Variants in DCDC2C observed in about 807,000 individuals in gnomAD.
The protein encoded by DCDC2C is doublecortin domain-containing protein 2C.
A neutral mutation model predicts 45.0 loss-of-function variants in DCDC2C; 44 were observed. The ratio of observed to expected loss-of-function variants is 0.98; its 90% CI spans 0.77 to 1.26. The LOEUF is 1.26. DCDC2C is among the 50% of genes most tolerant of loss of function. The pLI is 0.00. For synonymous variants in DCDC2C, 187 were observed against 178.8 expected, an observed-to-expected ratio of 1.05 and a Z score of -0.37; for missense variants, 447 against 468.9, an observed-to-expected ratio of 0.95 and a Z score of 0.43.
At chr2:3,781,766 A>C (rs773763804) in intron 9 of DCDC2C, among the ~76,000 whole-genome samples, 2 of 152,088 alleles carry the variant, frequency 1.3e-5, no homozygotes, top group African/African-American at 2.4e-5. Flanking sequence ...GCTCCCTGGG[A>C]GGCTGAGGTG....
intron 10 of DCDC2C, among the ~76,000 whole-genome samples, chr2:3,819,449 C>T (rs58709208): frequency 0.053 from 8,145 of 152,290 alleles, 748 homozygotes; most frequent in African/African-American, 0.19. Context: ...GGAGATGTGG[C>T]TGGGGTTTCT....
intron 2 of DCDC2C, among the ~76,000 whole-genome samples, chr2:3,722,906 G>A (rs947704881): frequency 9.2e-5 from 14 of 152,130 alleles, no homozygotes; most frequent in Non-Finnish European, 1.3e-4. Flanking sequence ...AATTTCCGTT[G>A]TTTTGTTTTC....
intron 6 of DCDC2C, among the ~76,000 whole-genome samples, chr2:3,765,159 G>T (rs1306634203): frequency 6.6e-6 from 1 of 152,136 alleles, no homozygotes; most frequent in Non-Finnish European, 1.5e-5. Flanking sequence ...TCAATGCCCT[G>T]CATTTTCTTG....
intron 2 of DCDC2C, among the ~76,000 whole-genome samples, chr2:3,711,226 G>A (rs549536274): frequency 2.2e-4 from 34 of 152,324 alleles, no homozygotes; most frequent in Admixed American, 1.2e-3. Flanking sequence ...GTGGAAGACA[G>A]CATGGTGACT....
intron 1 of DCDC2C, among the ~76,000 whole-genome samples, chr2:3,704,970 T>A (rs147907327): frequency 7.5e-4 from 114 of 152,270 alleles, no homozygotes; most frequent in African/African-American, 2.6e-3. Flanking sequence ...TCCTTGTAGG[T>A]TTACTTATTT....
At position 3,734,463 on chromosome 2, in the gene DCDC2C, G is replaced by A. The variant is rs1187158101; in HGVS notation, c.416+7384G>A. Among the ~76,000 whole-genome samples the A allele has an allele frequency of 2.0e-5, 3 of 152,190 alleles. No individual in the cohort carries two copies. Among genetic ancestry groups the A allele is most frequent in the East Asian group, 1.9e-4 (1 of 5,194 alleles). ...TCACTAACATCCACTAACTAACCAC[G>A]GGTAAAGGAAGCAAGTGGAGGGGTT... is the stretch of plus-strand genomic sequence containing the variant. On this transcript the variant is annotated intron_variant, in intron 3 of 10. Transcript: ENST00000399143. This position sits in a 1 kb window ranked among gnomAD's most constrained non-coding sequence, Gnocchi z 4.2.
chr2:3,837,907 G>A (rs987970930), intron 10 of DCDC2C, among the ~76,000 whole-genome samples: 1 of 152,140 alleles, frequency 6.6e-6, no homozygotes, highest in Non-Finnish European at 1.5e-5. Flanking sequence ...GGGAGGTGAG[G>A]AAGTGTGGGG....
Position 3,703,798 on chromosome 2 carries a change from AGACCATC to A in DCDC2C, c.49_55del (p.Thr17TrpfsTer82). The stretch of plus-strand genomic sequence containing the variant: ...GCGCCGGTGGACACCACGCCCGCCA[AGACCATC>A]GTGGTGTACCGCAACGGGGACCCGT... On this transcript the variant is annotated frameshift_variant, in exon 1 of 11. Transcript: ENST00000399143. LOFTEE classifies it high-confidence loss of function. The surrounding 1 kb of genome is among the most constrained non-coding windows in gnomAD (Gnocchi z 4.4). 1 of 1,245,840 alleles carries A rather than the reference AGACCATC, an allele frequency of 8.0e-7. No individual in the cohort carries two copies. Among genetic ancestry groups the A allele is most frequent in the Non-Finnish European group, 1.0e-6 (1 of 992,198 alleles). 77.2% of individuals were successfully genotyped at this position (1,245,840 alleles called of 1,614,324 possible).
intron 10 of DCDC2C, among the ~76,000 whole-genome samples, chr2:3,821,526 TG>T (rs763771373): frequency 5.3e-5 from 8 of 152,248 alleles, no homozygotes; most frequent in Non-Finnish European, 1.0e-4. Flanking sequence ...TTTTTATAGA[TG>T]CCATTTATTA....
intron 10 of DCDC2C, among the ~76,000 whole-genome samples, chr2:3,825,059 A>C (rs1671780301): frequency 6.6e-6 from 1 of 151,896 alleles, no homozygotes; most frequent in Non-Finnish European, 1.5e-5. Flanking sequence ...CTTGTCCCCT[A>C]GTGGGAGGGT....
intron 10 of DCDC2C, among the ~76,000 whole-genome samples, chr2:3,811,659 G>GT (rs1671398989): frequency 6.6e-6 from 1 of 152,098 alleles, no homozygotes; most frequent in Non-Finnish European, 1.5e-5. Context: ...GCTTGTACTG[G>GT]TTTTCAAAGG....
In DCDC2C at chr2:3,734,095, G is replaced by A. The variant is rs1439294463; in HGVS notation, c.416+7016G>A. Among the ~76,000 whole-genome samples, 2 of 152,192 alleles carry A rather than the reference G, an allele frequency of 1.3e-5. No individual in the cohort carries two copies. Among genetic ancestry groups the A allele is most frequent in the Admixed American group, 6.5e-5 (1 of 15,286 alleles). On this transcript the variant is annotated intron_variant, in intron 3 of 10. Transcript: ENST00000399143. This position sits in a 1 kb window ranked among gnomAD's most constrained non-coding sequence, Gnocchi z 4.2. Reference sequence around the variant, plus strand: ...AGTTCTGCTATTTGACTGGGCTACCGGCTGCTGTCGTAAATCCCCCATTTC... The same window carrying A: ...AGTTCTGCTATTTGACTGGGCTACCAGCTGCTGTCGTAAATCCCCCATTTC...
rs1668979606 is a variant in DCDC2C at position 3,734,964 on chromosome 2, A to G, written c.417-6956A>G. Among the ~76,000 whole-genome samples, 1 of 152,174 alleles carries G rather than the reference A, an allele frequency of 6.6e-6. No individual in the cohort carries two copies. Among genetic ancestry groups the G allele is most frequent in the African/African-American group, 2.4e-5 (1 of 41,454 alleles). ...GCCTAAAGAGAGGAGGCAATTGGAGAGAAATTAGGCATCCACATCCTACCG... is the reference window on the plus strand; with the variant it reads ...GCCTAAAGAGAGGAGGCAATTGGAGGGAAATTAGGCATCCACATCCTACCG... On this transcript the variant is annotated intron_variant, in intron 3 of 10. Coordinates refer to ENST00000399143, the MANE Select transcript of DCDC2C (RefSeq NM_001287444.2). The surrounding 1 kb of genome is among the most constrained non-coding windows in gnomAD (Gnocchi z 4.2).
At chr2:3,792,445 G>C (rs931561569) in intron 10 of DCDC2C, among the ~76,000 whole-genome samples, 3 of 152,072 alleles carry the variant, frequency 2.0e-5, no homozygotes, top group Non-Finnish European at 4.4e-5. Flanking sequence ...CAAAAGGAAA[G>C]TATTTTATTT....
At chr2:3,707,139 A>G (rs1290078398) in intron 1 of DCDC2C, among the ~76,000 whole-genome samples, 1 of 152,152 alleles carries the variant, frequency 6.6e-6, no homozygotes, top group Admixed American at 6.5e-5. Flanking sequence ...AGGCTTCTCT[A>G]TGTGCCTGAG....
At chr2:3,826,246 T>TA (rs1671812295) in intron 10 of DCDC2C, among the ~76,000 whole-genome samples, 2 of 152,276 alleles carry the variant, frequency 1.3e-5, no homozygotes, top group South Asian at 4.1e-4. Flanking sequence ...TGCTCCCCAT[T>TA]AAAAACCCCA....
intron 6 of DCDC2C, among the ~76,000 whole-genome samples, chr2:3,767,525 A>G (rs1390346745): frequency 6.6e-6 from 1 of 152,232 alleles, no homozygotes; most frequent in Non-Finnish European, 1.5e-5. Flanking sequence ...CTGCCTGCCA[A>G]GGCACTGGGA....
At chr2:3,803,516 T>C (rs1161695120) in intron 10 of DCDC2C, among the ~76,000 whole-genome samples, 2 of 152,242 alleles carry the variant, frequency 1.3e-5, no homozygotes, top group Admixed American at 6.5e-5. Flanking sequence ...CAAATGCTAT[T>C]TCAGTCCCTT....
At chr2:3,757,853 C>A (rs541715111) in intron 6 of DCDC2C, among the ~76,000 whole-genome samples, 2 of 152,306 alleles carry the variant, frequency 1.3e-5, no homozygotes, top group Non-Finnish European at 2.9e-5. Context: ...CTCCTATAAG[C>A]TGTTTAACTT....
Sources: allele counts gnomAD v4.1 joint callset (sites outside exome capture counted in the v4.1 genomes callset), GRCh38; gene constraint gnomAD v4.1.1; non-coding constraint Gnocchi (gnomAD v3.1); transcripts MANE v1.5; gene names NCBI Gene and HGNC (gene_info 2026-07-23, HGNC 2026-07-21).